Variants in HIVEP3 observed in about 807,000 individuals in gnomAD.
HIVEP3 encodes the protein HIVEP zinc finger 3, also known as transcription factor HIVEP3.
HIVEP3 carries 49 observed loss-of-function variants against 152.8 expected under a neutral mutation model. The observed-to-expected ratio is 0.32, with a 90% CI of 0.26 to 0.41. The LOEUF (loss-of-function observed/expected upper bound fraction) is 0.41, where lower values mean the gene tolerates loss of function less well. Among genes scored for constraint, HIVEP3 ranks in the 10% least tolerant of loss-of-function variants. The pLI, the probability that HIVEP3 is intolerant of heterozygous loss-of-function variation, is 1.00. For synonymous variants in HIVEP3, 1,269 were observed against 1,289.0 expected, an observed-to-expected ratio of 0.98 and a Z score of 0.33; for missense variants, 2,790 against 3,103.3, an observed-to-expected ratio of 0.90 and a Z score of 2.40.
At chr1:41,879,225 A>G (rs1644223157) in intron 1 of HIVEP3, among the ~76,000 whole-genome samples, 1 of 152,182 alleles carries the variant, frequency 6.6e-6, no homozygotes, top group South Asian at 2.1e-4. Flanking sequence ...GACATTATCT[A>G]TCTAGAAGAG....
intron 5 of HIVEP3, among the ~76,000 whole-genome samples, chr1:41,572,956 T>G (rs1383953183): frequency 6.6e-6 from 1 of 152,232 alleles, no homozygotes; most frequent in Non-Finnish European, 1.5e-5. Context: ...TGCACTTCTC[T>G]ACTCCCATGG....
At chr1:41,558,574 C>G (rs979197972) in intron 5 of HIVEP3, among the ~76,000 whole-genome samples, 1 of 152,218 alleles carries the variant, frequency 6.6e-6, no homozygotes, top group Non-Finnish European at 1.5e-5. Flanking sequence ...GCCTGCACCC[C>G]TCCTGGCCTG....
chr1:41,731,013 C>G (rs1244449515), intron 1 of HIVEP3, among the ~76,000 whole-genome samples: 1 of 152,156 alleles, frequency 6.6e-6, no homozygotes, highest in Non-Finnish European at 1.5e-5. Flanking sequence ...AATCTCTCCT[C>G]TGTGGCGTCT....
At chr1:41,973,236 A>T in intron 1 of HIVEP3, among the ~76,000 whole-genome samples, 1 of 152,268 alleles carries the variant, frequency 6.6e-6, no homozygotes, top group South Asian at 2.1e-4. Context: ...ATTATTTCAC[A>T]GTCTGTGGGG....
At chr1:41,630,288 G>C (rs565467940) in intron 2 of HIVEP3, among the ~76,000 whole-genome samples, 2 of 152,300 alleles carry the variant, frequency 1.3e-5, no homozygotes, top group South Asian at 4.1e-4. Context: ...GGGGGAGAGA[G>C]AGGGAGGGAC....
intron 1 of HIVEP3, among the ~76,000 whole-genome samples, chr1:41,767,474 G>A (rs1409902630): frequency 7.2e-5 from 11 of 152,272 alleles, no homozygotes; most frequent in African/African-American, 2.6e-4. Flanking sequence ...CCCAGAGGAG[G>A]CAACACTGGG....
intron 2 of HIVEP3, among the ~76,000 whole-genome samples, chr1:41,689,111 A>G (rs1646156799): frequency 6.6e-6 from 1 of 152,232 alleles, no homozygotes; most frequent in Non-Finnish European, 1.5e-5. Flanking sequence ...TCATGAACTG[A>G]GTCTTATTTA....
In HIVEP3 at chr1:41,771,545, G is replaced by A. The variant is rs549507732; in HGVS notation, c.-800-70550C>T. Among the ~76,000 whole-genome samples the A allele has an allele frequency of 8.8e-4, 134 of 152,224 alleles. 1 individual carries two copies. Among genetic ancestry groups the A allele is most frequent in the South Asian group, 5.8e-3 (28 of 4,812 alleles). Reference sequence around the variant, plus strand: ...CCCGCGTGTCTACCCCTCCTTGCTGGGCTGCCGCTGGCTGCTTTGTGGTTT... The same window carrying A: ...CCCGCGTGTCTACCCCTCCTTGCTGAGCTGCCGCTGGCTGCTTTGTGGTTT... On this transcript the variant is annotated intron_variant, in intron 1 of 8. Coordinates refer to ENST00000372583, the MANE Select transcript of HIVEP3 (RefSeq NM_024503.5).
chr1:41,645,380 TC>T (rs1196412987), intron 2 of HIVEP3, among the ~76,000 whole-genome samples: 3 of 152,190 alleles, frequency 2.0e-5, no homozygotes, highest in Non-Finnish European at 4.4e-5. Context: ...TCTAGGCCCT[TC>T]TTCCAACCTG....
intron 3 of HIVEP3, among the ~76,000 whole-genome samples, chr1:41,597,140 C>T (rs756427944): frequency 6.6e-6 from 1 of 152,034 alleles, no homozygotes; most frequent in African/African-American, 2.4e-5. Context: ...GGTCAAAAAG[C>T]AAATTCTATC....
intron 1 of HIVEP3, among the ~76,000 whole-genome samples, chr1:41,808,620 A>G (rs1242348190): frequency 6.6e-6 from 1 of 152,256 alleles, no homozygotes; most frequent in Non-Finnish European, 1.5e-5. Context: ...TTACAGCACA[A>G]GAGCTGGTTT....
chr1:41,874,792 T>A (rs1450427758), intron 1 of HIVEP3, among the ~76,000 whole-genome samples: 1 of 152,190 alleles, frequency 6.6e-6, no homozygotes, highest in African/African-American at 2.4e-5. Flanking sequence ...AGGGATTTAG[T>A]TAGCGGTCTC....
chr1:41,707,292 G>T (rs762883192), intron 1 of HIVEP3, among the ~76,000 whole-genome samples: 2 of 152,180 alleles, frequency 1.3e-5, no homozygotes, highest in Non-Finnish European at 2.9e-5. Flanking sequence ...AGGATACTCT[G>T]CTACCCACAG....
chr1:41,604,837 C>T (rs1644794904), intron 3 of HIVEP3, among the ~76,000 whole-genome samples: 1 of 152,130 alleles, frequency 6.6e-6, no homozygotes, highest in African/African-American at 2.4e-5. Flanking sequence ...GGCACAGTGG[C>T]TCATGCCTAT....
At position 41,722,151 on chromosome 1, in the gene HIVEP3, T is replaced by C. The variant is rs1436294425; in HGVS notation, c.-800-21156A>G. 3.9e-5 allele frequency among the ~76,000 whole-genome samples: 6 copies of C among 152,320 alleles called. No individual in the cohort carries two copies. The East Asian group carries it at 1.2e-3, about 29-fold the overall frequency. On this transcript the variant is annotated intron_variant, in intron 1 of 8. Coordinates refer to ENST00000372583, the MANE Select transcript of HIVEP3 (RefSeq NM_024503.5). The stretch of plus-strand genomic sequence containing the variant: ...CTTCTTCCTCCCTCATGCAAGCTCC[T>C]GGAACTCTTGGTGTGTATCTCCTTC...
At chr1:41,535,724 A>G (rs981505651) in intron 5 of HIVEP3, 1 of 152,172 alleles carries the variant, frequency 6.6e-6, no homozygotes, top group Non-Finnish European at 1.5e-5. Context: ...ATCCTTAAAC[A>G]ACCCCTTGAT....
chr1:41,667,239 C>T (rs1645809134), intron 2 of HIVEP3, among the ~76,000 whole-genome samples: 1 of 152,254 alleles, frequency 6.6e-6, no homozygotes, highest in Non-Finnish European at 1.5e-5. Flanking sequence ...GCATGCTGAA[C>T]TGTTAACACA....
At chr1:41,846,168 T>C (rs1009741484) in intron 1 of HIVEP3, among the ~76,000 whole-genome samples, 1 of 152,220 alleles carries the variant, frequency 6.6e-6, no homozygotes, top group Non-Finnish European at 1.5e-5. Context: ...TTTTTCAGGG[T>C]GACGGTCACT....
At chr1:41,930,241 A>C (rs766016493) in intron 1 of HIVEP3, among the ~76,000 whole-genome samples, 2 of 152,176 alleles carry the variant, frequency 1.3e-5, no homozygotes, top group African/African-American at 2.4e-5. Context: ...TGCCATATAA[A>C]GCAGTTCCAT....
Sources: gnomAD v4.1 joint callset for allele counts (sites outside exome capture counted in the v4.1 genomes callset) on GRCh38, gnomAD v4.1.1 for gene constraint, MANE v1.5 for transcripts, NCBI Gene and HGNC (gene_info 2026-07-23, HGNC 2026-07-21) for gene names.